The following RPS6KA5 variants were observed in gnomAD, a reference collection of about 807,000 sequenced individuals.
RPS6KA5 encodes the protein ribosomal protein S6 kinase A5.
In RPS6KA5, 27 loss-of-function variants were observed where a neutral mutation model predicts 85.5. The ratio of observed to expected loss-of-function variants is 0.32; its 90% CI spans 0.23 to 0.44. The LOEUF (loss-of-function observed/expected upper bound fraction) is 0.44. RPS6KA5 is among the 20% of genes least tolerant of loss of function. The pLI, the probability that RPS6KA5 is intolerant of heterozygous loss-of-function variation, is 1.00. For synonymous variants in RPS6KA5, 334 were observed against 348.2 expected, an observed-to-expected ratio of 0.96 and a Z score of 0.46; for missense variants, 811 against 980.9, an observed-to-expected ratio of 0.83 and a Z score of 2.31.
chr14:90,964,300 A>T (rs958066711), intron 3 of RPS6KA5, among the ~76,000 whole-genome samples: 4 of 152,192 alleles, frequency 2.6e-5, no homozygotes, highest in Non-Finnish European at 5.9e-5. Context: ...CAGATACCTC[A>T]TCTATAAAAC....
chr14:90,989,001 C>T (rs2040189591), intron 2 of RPS6KA5, among the ~76,000 whole-genome samples: 2 of 151,858 alleles, frequency 1.3e-5, no homozygotes, highest in African/African-American at 2.4e-5. Flanking sequence ...TGAAATTACT[C>T]CCAGAGATGC....
chr14:90,871,931 A>G lies in RPS6KA5; in HGVS notation c.*143T>C, dbSNP rs146942753. On this transcript the variant is annotated 3_prime_UTR_variant, in exon 17 of 17. Transcript: ENST00000614987. ...CCAGTGCTTTTGAATGAGGATAACC[A>G]AACAGGTTTTCCTGAAAAAAATCAT... is the stretch of plus-strand genomic sequence containing the variant. 371 of 1,078,636 alleles carry G rather than the reference A, an allele frequency of 3.4e-4. 1 individual carries two copies. In the African/African-American group the frequency reaches 4.6e-3, roughly 14 times the overall value. The allele number at this position is 1,078,636 out of a possible 1,614,324, so 66.8% of individuals were successfully genotyped here.
rs74931042 is a variant in RPS6KA5 at position 91,021,499 on chromosome 14, G to A, written c.104-20340C>T. ...TATTTCAATTTAAAAAAATAAGCCA[G>A]GCATGGTGGTTCTCGCGATTCTCCT... On this transcript the variant is annotated intron_variant, in intron 1 of 16. Coordinates refer to ENST00000614987, the MANE Select transcript of RPS6KA5 (RefSeq NM_004755.4). 5.9e-3 allele frequency among the ~76,000 whole-genome samples: 899 copies of A among 152,220 alleles called. 3 individuals carry two copies. The highest frequency in any genetic ancestry group is 0.014 in the Admixed American group (209 of 15,286).
At chr14:91,024,938 G>T (rs188824027) in intron 1 of RPS6KA5, among the ~76,000 whole-genome samples, 1 of 152,014 alleles carries the variant, frequency 6.6e-6, no homozygotes, top group Admixed American at 6.6e-5. Flanking sequence ...CTGGAGTGCA[G>T]TGGTGTGATC....
intron 5 of RPS6KA5, among the ~76,000 whole-genome samples, chr14:90,937,280 G>C (rs1434933687): frequency 6.6e-6 from 1 of 152,076 alleles, no homozygotes; most frequent in Admixed American, 6.6e-5. Flanking sequence ...TGGCGGGGTA[G>C]GGGGGCAAGG....
intron 1 of RPS6KA5, among the ~76,000 whole-genome samples, chr14:91,040,420 T>G (rs1247846716): frequency 6.6e-6 from 1 of 152,150 alleles, no homozygotes; most frequent in East Asian, 1.9e-4. Flanking sequence ...TAAATTAAAT[T>G]AAATTGAATT....
intron 3 of RPS6KA5, among the ~76,000 whole-genome samples, chr14:90,952,539 C>A (rs977072597): frequency 6.6e-5 from 10 of 152,246 alleles, no homozygotes; most frequent in African/African-American, 2.4e-4. Context: ...ATTCAAACAG[C>A]TCATTTTGTT....
chr14:90,937,465 T>A (rs1023686210), intron 5 of RPS6KA5, among the ~76,000 whole-genome samples: 1 of 151,988 alleles, frequency 6.6e-6, no homozygotes, highest in Non-Finnish European at 1.5e-5. Flanking sequence ...AATTTTAAGA[T>A]GGAAAGACTA....
chr14:90,973,377 AG>A (rs1028370552), intron 3 of RPS6KA5, among the ~76,000 whole-genome samples: 1 of 150,534 alleles, frequency 6.6e-6, no homozygotes, highest in African/African-American at 2.5e-5. Context: ...CAGGAGGCAG[AG>A]GTTGCAGTGA....
chr14:90,891,213 T>C (rs1661465889), intron 13 of RPS6KA5, among the ~76,000 whole-genome samples: 1 of 151,012 alleles, frequency 6.6e-6, no homozygotes, highest in Non-Finnish European at 1.5e-5. Context: ...AGACATAGAG[T>C]AGGTGCTTTG....
Position 90,870,250 on chromosome 14 carries a change from T to A in RPS6KA5, c.*1824A>T, listed in dbSNP as rs1224406979. On this transcript the variant is annotated 3_prime_UTR_variant, in exon 17 of 17. Transcript: ENST00000614987. Reference sequence around the variant, plus strand: ...TGGTCATTTTCTTGATTACTAGAGATCTGTGCCTGATGGAATCACATTTTG... The same window carrying A: ...TGGTCATTTTCTTGATTACTAGAGAACTGTGCCTGATGGAATCACATTTTG... 1 of 152,198 alleles carries A rather than the reference T, an allele frequency of 6.6e-6. No homozygotes were observed. Among genetic ancestry groups the A allele is most frequent in the Non-Finnish European group, 1.5e-5 (1 of 68,028 alleles). The allele number at this position is 152,198 out of a possible 1,614,324, so 9.4% of individuals were successfully genotyped here.
chr14:90,985,966 G>C lies in RPS6KA5; in HGVS notation c.176-7442C>G, dbSNP rs147509038. ...ATAAAAGCAAAACACTTTAAAGAAA[G>C]GAACTGCTGAAAAATTAGGTGTGAG... is the stretch of plus-strand genomic sequence containing the variant. On this transcript the variant is annotated intron_variant, in intron 2 of 16. Coordinates refer to ENST00000614987, the MANE Select transcript of RPS6KA5 (RefSeq NM_004755.4). Among the ~76,000 whole-genome samples, 45 of 152,270 alleles carry C rather than the reference G, an allele frequency of 3.0e-4. No homozygotes were observed. In the East Asian group the frequency reaches 4.6e-3, roughly 16 times the overall value.
intron 1 of RPS6KA5, among the ~76,000 whole-genome samples, chr14:91,034,306 C>CAAAA (rs201455291): frequency 5.5e-5 from 6 of 108,652 alleles, no homozygotes; most frequent in African/African-American, 1.4e-4. Flanking sequence ...AACCCTGTCT[C>CAAAA]AAAAAAAAAA....
At chr14:90,875,381 A>C in intron 14 of RPS6KA5, 21 bp from the exon 15 acceptor site, 1 of 1,605,404 alleles carries the variant, frequency 6.2e-7, no homozygotes, top group African/African-American at 1.3e-5. Flanking sequence ...AAAAGTAACA[A>C]AACAGAATGA....
chr14:90,888,429 G>C (rs745696607), intron 14 of RPS6KA5, among the ~76,000 whole-genome samples: 3 of 152,104 alleles, frequency 2.0e-5, no homozygotes, highest in Non-Finnish European at 4.4e-5. Context: ...TAATAAAAAT[G>C]TCTTCAATTT....
chr14:90,852,071 T>G lies in RPS6KA5; in HGVS notation c.*20003A>C, dbSNP rs1212193664. On this transcript the variant is annotated 3_prime_UTR_variant, in exon 17 of 17. Transcript: ENST00000614987. Reference sequence around the variant, plus strand: ...AAAGACAAATTATCGGTATCTTTTCTTTAAAAAATCACTTTTTTTTTTTTT... The same window carrying G: ...AAAGACAAATTATCGGTATCTTTTCGTTAAAAAATCACTTTTTTTTTTTTT... 6.9e-6 allele frequency: 1 copy of G among 145,292 alleles called. No homozygotes were observed. Among genetic ancestry groups the G allele is most frequent in the African/African-American group, 2.5e-5 (1 of 40,098 alleles). 9.0% of individuals were successfully genotyped at this position (145,292 alleles called of 1,614,324 possible).
intron 2 of RPS6KA5, among the ~76,000 whole-genome samples, chr14:90,997,949 G>T (rs1446177607): frequency 7.0e-6 from 1 of 142,186 alleles, no homozygotes; most frequent in African/African-American, 2.6e-5. Flanking sequence ...GGAGGTGGAG[G>T]TTGCTGTGAG....
intron 3 of RPS6KA5, among the ~76,000 whole-genome samples, chr14:90,959,686 A>G (rs951525746): frequency 6.6e-6 from 1 of 152,218 alleles, no homozygotes; most frequent in Non-Finnish European, 1.5e-5. Flanking sequence ...CCAGTTGTAG[A>G]GCATTAAGAG....
intron 5 of RPS6KA5, among the ~76,000 whole-genome samples, chr14:90,941,173 T>C (rs1055474130): frequency 2.6e-5 from 4 of 152,162 alleles, no homozygotes; most frequent in Admixed American, 6.5e-5. Flanking sequence ...TTAAAATAGA[T>C]AGCATTATAG....
Sources: gnomAD v4.1 joint callset for allele counts (sites outside exome capture counted in the v4.1 genomes callset) on GRCh38, gnomAD v4.1.1 for gene constraint, MANE v1.5 for transcripts, NCBI Gene and HGNC (gene_info 2026-07-23, HGNC 2026-07-21) for gene names.